The following SPATA6 variants were observed in gnomAD, a reference collection of about 807,000 sequenced individuals.
The protein encoded by SPATA6 is spermatogenesis-associated protein 6.
Under a neutral mutation model 65.3 loss-of-function variants are expected in SPATA6, and 56 were observed. The observed-to-expected ratio is 0.86, with a 90% confidence interval of 0.69 to 1.07. The LOEUF is 1.07. Among genes scored for constraint, SPATA6 ranks in the 50% least tolerant of loss-of-function variants. The pLI, the probability that SPATA6 is intolerant of heterozygous loss-of-function variation, is 0.00. For synonymous variants in SPATA6, 199 were observed against 213.2 expected (o/e 0.93, Z 0.58); for missense variants, 590 against 594.8 (o/e 0.99, Z 0.08).
chr1:48,269,000 A>T, the SPATA6 span, among the ~76,000 whole-genome samples: 1 of 152,190 alleles, frequency 6.6e-6, no homozygotes, highest in Admixed American at 6.5e-5. Context: ...TTAAGGTTTG[A>T]GATCTCTAGG....
the SPATA6 span, among the ~76,000 whole-genome samples, chr1:48,261,423 G>C: frequency 6.6e-6 from 1 of 152,016 alleles, no homozygotes; most frequent in Admixed American, 6.6e-5. Flanking sequence ...TATTGCTTTA[G>C]GATATTCTAT....
At chr1:48,268,357 T>C in the SPATA6 span, among the ~76,000 whole-genome samples, 3 of 152,172 alleles carry the variant, frequency 2.0e-5, no homozygotes, top group South Asian at 4.1e-4. Flanking sequence ...TCTATCTGTA[T>C]GTACATATGT....
At chr1:48,316,231 T>C (rs1275000017) in intron 11 of SPATA6, among the ~76,000 whole-genome samples, 2 of 152,060 alleles carry the variant, frequency 1.3e-5, no homozygotes, top group African/African-American at 2.4e-5. Context: ...CCAAGTCAAT[T>C]CTAAGCCAAA....
At chr1:48,316,758 G>A (rs1395316390) in intron 11 of SPATA6, among the ~76,000 whole-genome samples, 2 of 152,082 alleles carry the variant, frequency 1.3e-5, no homozygotes, top group Non-Finnish European at 2.9e-5. Flanking sequence ...CCACAGAATG[G>A]GAGAAAATTT....
At chr1:48,374,010 C>T (rs1049666836) in intron 9 of SPATA6, among the ~76,000 whole-genome samples, 2 of 152,158 alleles carry the variant, frequency 1.3e-5, no homozygotes. Flanking sequence ...TTTCCATGCA[C>T]AGTCTATTGG....
intron 8 of SPATA6, among the ~76,000 whole-genome samples, chr1:48,392,019 A>G (rs1449897068): frequency 6.6e-6 from 1 of 152,144 alleles, no homozygotes; most frequent in East Asian, 1.9e-4. Context: ...AAAGCAAACA[A>G]ATTAATGAGG....
intron 3 of SPATA6, among the ~76,000 whole-genome samples, chr1:48,446,034 G>C (rs940852934): frequency 6.6e-6 from 1 of 152,132 alleles, no homozygotes; most frequent in Non-Finnish European, 1.5e-5. Context: ...TTAATATAAA[G>C]AACAGTTAAC....
At chr1:48,430,180 A>C (rs1654265840) in intron 3 of SPATA6, among the ~76,000 whole-genome samples, 1 of 152,190 alleles carries the variant, frequency 6.6e-6, no homozygotes, top group Non-Finnish European at 1.5e-5. Context: ...AAAGTACCAC[A>C]ATGAGACACA....
the SPATA6 span, among the ~76,000 whole-genome samples, chr1:48,285,729 C>T: frequency 1.3e-5 from 2 of 152,120 alleles, no homozygotes; most frequent in Non-Finnish European, 2.9e-5. Flanking sequence ...GGTGAGGCCC[C>T]GCCCCACCCA....
intron 8 of SPATA6, among the ~76,000 whole-genome samples, chr1:48,394,499 A>G (rs1650388400): frequency 1.3e-5 from 2 of 152,222 alleles, no homozygotes; most frequent in South Asian, 4.1e-4. Flanking sequence ...GTTGATTATC[A>G]CATCTATCTC....
intron 2 of SPATA6, among the ~76,000 whole-genome samples, chr1:48,452,410 G>A (rs1209897765): frequency 6.7e-6 from 1 of 148,518 alleles, no homozygotes; most frequent in African/African-American, 2.5e-5. Context: ...TTTAGATGGA[G>A]TCTTGTTCTG....
At chr1:48,388,369 A>C (rs962299625) in intron 8 of SPATA6, among the ~76,000 whole-genome samples, 24 of 152,220 alleles carry the variant, frequency 1.6e-4, no homozygotes, top group Non-Finnish European at 3.5e-4. Flanking sequence ...AATTCAAAAA[A>C]TTGGAACAAA....
intron 3 of SPATA6, among the ~76,000 whole-genome samples, chr1:48,431,825 A>C (rs1654430617): frequency 6.6e-6 from 1 of 152,202 alleles, no homozygotes; most frequent in South Asian, 2.1e-4. Context: ...AAAAAATAAG[A>C]AAGGGCAGGG....
chr1:48,284,586 G>C, the SPATA6 span, among the ~76,000 whole-genome samples: 2 of 152,210 alleles, frequency 1.3e-5, no homozygotes, highest in African/African-American at 2.4e-5. Flanking sequence ...TTTGGTCTTT[G>C]ATGCTGGTGA....
intron 4 of SPATA6, among the ~76,000 whole-genome samples, chr1:48,411,846 G>C (rs1652267481): frequency 6.7e-6 from 1 of 149,372 alleles, no homozygotes; most frequent in African/African-American, 2.5e-5. Context: ...ATTGGTTTTT[G>C]TTTGTTTGTT....
intron 12 of SPATA6, among the ~76,000 whole-genome samples, chr1:48,299,694 T>A (rs1196957710): frequency 6.6e-6 from 1 of 151,978 alleles, no homozygotes; most frequent in Non-Finnish European, 1.5e-5. Context: ...AACACAGACG[T>A]TATTAAATAT....
chr1:48,392,922 TA>T (rs879745843), intron 8 of SPATA6, among the ~76,000 whole-genome samples: 35 of 138,956 alleles, frequency 2.5e-4, no homozygotes, highest in South Asian at 4.6e-4. Context: ...AAAAATATAG[TA>T]AAAAAAAAAA....
downstream of SPATA6, among the ~76,000 whole-genome samples, chr1:48,290,565 A>G (rs999155329): frequency 6.6e-6 from 1 of 152,202 alleles, no homozygotes; most frequent in Admixed American, 6.5e-5. Context: ...TTGGATAAAG[A>G]GTCAAGACCC....
chr1:48,318,602 A>G (rs564539082), intron 11 of SPATA6, among the ~76,000 whole-genome samples: 82 of 152,280 alleles, frequency 5.4e-4, no homozygotes, highest in African/African-American at 1.4e-3. Context: ...ACTATAAAAC[A>G]TATTTCATAT....
Sources: allele counts gnomAD v4.1 joint callset (sites outside exome capture counted in the v4.1 genomes callset), GRCh38; gene constraint gnomAD v4.1.1; transcripts MANE v1.5; gene names NCBI Gene and HGNC (gene_info 2026-07-23, HGNC 2026-07-21).